ACCSL: variants seen among roughly 807,000 people sequenced by gnomAD.
The protein encoded by ACCSL is 1-aminocyclopropane-1-carboxylate synthase homolog (inactive) like.
In ACCSL, 55 loss-of-function variants were observed where a neutral mutation model predicts 61.7. The observed-to-expected ratio is 0.89, with a 90% confidence interval of 0.72 to 1.12. The LOEUF (loss-of-function observed/expected upper bound fraction) is 1.12. Ranked by LOEUF, ACCSL falls within the 50% of genes most tolerant of loss-of-function variation. The pLI is 0.00. For missense variants in ACCSL, 632 were observed against 698.0 expected (o/e 0.91, Z 1.07); for synonymous variants, 258 against 264.3 (o/e 0.98, Z 0.23).
At chr11:43,987,099 T>C in the ACCSL span, among the ~76,000 whole-genome samples, 21,126 of 152,148 alleles carry the variant, frequency 0.14, 1,568 homozygotes, top group Non-Finnish European at 0.17. Flanking sequence ...CGAGTCTTCT[T>C]CAAGAAGAAC....
chr11:44,048,793 T>C (rs1429391825), intron 1 of ACCSL, among the ~76,000 whole-genome samples: 1 of 152,162 alleles, frequency 6.6e-6, no homozygotes, highest in East Asian at 1.9e-4. Context: ...AGTTGGCCCC[T>C]GTGGTCACAG....
the ACCSL span, among the ~76,000 whole-genome samples, chr11:44,000,441 A>ATT: frequency 4.0e-5 from 6 of 150,844 alleles, no homozygotes; most frequent in African/African-American, 1.5e-4. Flanking sequence ...TCTATTTTAA[A>ATT]AAAAAAAAGC....
At chr11:43,964,292 A>T in the ACCSL span, among the ~76,000 whole-genome samples, 1 of 151,880 alleles carries the variant, frequency 6.6e-6, no homozygotes, top group East Asian at 1.9e-4. Context: ...AAATACAAAA[A>T]ATTAGCCAGT....
the ACCSL span, among the ~76,000 whole-genome samples, chr11:43,978,593 C>T: frequency 6.6e-6 from 1 of 152,128 alleles, no homozygotes; most frequent in Non-Finnish European, 1.5e-5. Context: ...CACACATCTA[C>T]AGGTAGGCTT....
the ACCSL span, among the ~76,000 whole-genome samples, chr11:43,953,520 CA>C: frequency 0.31 from 23,525 of 75,428 alleles, 1,546 homozygotes; most frequent in African/African-American, 0.37. Context: ...GACTCTGACT[CA>C]AAAAAAAAAA....
At chr11:44,012,078 G>A in the ACCSL span, among the ~76,000 whole-genome samples, 1 of 152,062 alleles carries the variant, frequency 6.6e-6, no homozygotes, top group Non-Finnish European at 1.5e-5. Context: ...TCCTGCCAAA[G>A]TCTTCTCCTG....
the ACCSL span, among the ~76,000 whole-genome samples, chr11:43,956,221 C>T: frequency 5.3e-5 from 8 of 152,068 alleles, no homozygotes; most frequent in South Asian, 2.1e-4. Context: ...CAGTTGGCTA[C>T]GTTTGGCCAA....
intron 3 of ACCSL, 150 bp downstream of exon 3, chr11:44,050,772 A>T (rs749877723): frequency 4.5e-6 from 3 of 661,894 alleles, no homozygotes; most frequent in Non-Finnish European, 5.3e-6. Flanking sequence ...AAACTTCATC[A>T]GGAGGCAGCC....
the ACCSL span, among the ~76,000 whole-genome samples, chr11:44,000,876 G>T: frequency 6.6e-6 from 1 of 152,250 alleles, no homozygotes; most frequent in East Asian, 1.9e-4. Flanking sequence ...GGGGATCCTG[G>T]AGCCAATCCC....
chr11:44,017,826 G>GGA, the ACCSL span, among the ~76,000 whole-genome samples: 2 of 150,728 alleles, frequency 1.3e-5, no homozygotes, highest in African/African-American at 2.4e-5. Flanking sequence ...ACTGACCCTG[G>GGA]GAGAGAGAGA....
At chr11:43,982,053 G>C in the ACCSL span, among the ~76,000 whole-genome samples, 2 of 152,060 alleles carry the variant, frequency 1.3e-5, no homozygotes, top group Non-Finnish European at 2.9e-5. Context: ...TGGAGCAGAG[G>C]GGGAGCTGTT....
the ACCSL span, among the ~76,000 whole-genome samples, chr11:43,956,636 G>C: frequency 6.6e-6 from 1 of 152,170 alleles, no homozygotes; most frequent in South Asian, 2.1e-4. Flanking sequence ...AGCCAGGCTG[G>C]TCTCAATCTC....
At chr11:43,937,641 T>G in the ACCSL span, among the ~76,000 whole-genome samples, 3 of 152,148 alleles carry the variant, frequency 2.0e-5, no homozygotes, top group African/African-American at 7.2e-5. Flanking sequence ...GTTCCAGCCC[T>G]CCTCTGGAAT....
chr11:44,008,347 A>C, the ACCSL span, among the ~76,000 whole-genome samples: 2 of 152,204 alleles, frequency 1.3e-5, no homozygotes, highest in African/African-American at 4.8e-5. Context: ...AGCTGTGGGC[A>C]GCGTGGTCCG....
the ACCSL span, among the ~76,000 whole-genome samples, chr11:44,036,101 G>T: frequency 6.6e-6 from 1 of 152,196 alleles, no homozygotes; most frequent in Non-Finnish European, 1.5e-5. Context: ...TCCCCAGGGG[G>T]CAACCAGGTA....
At chr11:43,933,168 T>C in the ACCSL span, 1 of 456,244 alleles carries the variant, frequency 2.2e-6, no homozygotes, top group Non-Finnish European at 4.4e-6. Flanking sequence ...AGGCTTGCTT[T>C]ATGGAATCAT....
At chr11:43,986,080 A>G in the ACCSL span, among the ~76,000 whole-genome samples, 1 of 152,242 alleles carries the variant, frequency 6.6e-6, no homozygotes, top group Middle Eastern at 3.4e-3. Flanking sequence ...AATGGCATTT[A>G]TGGGTATCGG....
chr11:44,029,204 A>G, the ACCSL span, among the ~76,000 whole-genome samples: 1 of 152,252 alleles, frequency 6.6e-6, no homozygotes. Context: ...TCTAGGAGAA[A>G]GCCAAGATCC....
the ACCSL span, among the ~76,000 whole-genome samples, chr11:44,007,033 C>T: frequency 6.6e-6 from 1 of 152,058 alleles, no homozygotes; most frequent in Non-Finnish European, 1.5e-5. Flanking sequence ...GAGGAGAGAC[C>T]AACACTACCC....
Sources: allele counts gnomAD v4.1 joint callset (sites outside exome capture counted in the v4.1 genomes callset), GRCh38; gene constraint gnomAD v4.1.1; transcripts MANE v1.5; gene names NCBI Gene and HGNC (gene_info 2026-07-23, HGNC 2026-07-21).